Variants in RPTOR observed in about 807,000 individuals in gnomAD.
The protein encoded by RPTOR is regulatory associated protein of MTOR complex 1, also known as regulatory-associated protein of mTOR.
Under a neutral mutation model 169.9 loss-of-function variants are expected in RPTOR, and 21 were observed. The observed-to-expected ratio is 0.12, with a 90% CI of 0.09 to 0.18. RPTOR has a LOEUF of 0.18. RPTOR is among the 10% of genes least tolerant of loss of function. The pLI, the probability that RPTOR is intolerant of heterozygous loss-of-function variation, is 1.00. For missense variants in RPTOR, 1,133 were observed against 1,855.9 expected (o/e 0.61, Z 7.16); for synonymous variants, 732 against 753.2 (o/e 0.97, Z 0.46).
intron 1 of RPTOR, among the ~76,000 whole-genome samples, chr17:80,547,864 A>T (rs1599538199): frequency 6.6e-6 from 1 of 152,300 alleles, no homozygotes; most frequent in East Asian, 1.9e-4. Flanking sequence ...AGTGTGTGTG[A>T]CAGTTTCTGG....
At chr17:80,863,417 A>AC (rs2067943036) in intron 13 of RPTOR, among the ~76,000 whole-genome samples, 1 of 152,142 alleles carries the variant, frequency 6.6e-6, no homozygotes, top group African/African-American at 2.4e-5. Flanking sequence ...ACCCATTAAA[A>AC]CCTGCTCAGA....
chr17:80,818,028 C>A (rs909548576), intron 7 of RPTOR, among the ~76,000 whole-genome samples: 1 of 152,332 alleles, frequency 6.6e-6, no homozygotes, highest in Admixed American at 6.5e-5. Context: ...TGGAGATAAA[C>A]CCTCCTGCCA....
intron 6 of RPTOR, among the ~76,000 whole-genome samples, chr17:80,760,113 G>A (rs1249021407): frequency 6.6e-6 from 1 of 152,090 alleles, no homozygotes; most frequent in Non-Finnish European, 1.5e-5. Flanking sequence ...CCAGGAGTAT[G>A]CGGGTGGGAA....
rs78357696 is a variant in RPTOR at position 80,581,470 on chromosome 17, C to G, written c.162+35679C>G. Among the ~76,000 whole-genome samples the G allele has an allele frequency of 2.7e-5, 4 of 147,426 alleles. No individual in the cohort carries two copies. The South Asian group carries it at 8.7e-4, about 32-fold the overall frequency. ...TGCACATCGGGCCAGTGCATGCCTG[C>G]TATTCTCTGCAGTGGAGACCGCACA... On this transcript the variant is annotated intron_variant, in intron 1 of 33. Transcript: ENST00000306801.
intron 6 of RPTOR, among the ~76,000 whole-genome samples, chr17:80,773,136 G>A (rs2066861236): frequency 6.6e-6 from 1 of 151,742 alleles, no homozygotes; most frequent in Non-Finnish European, 1.5e-5. Flanking sequence ...AGAAAGCAGT[G>A]TGTTTGGCTG....
At position 80,651,104 on chromosome 17, in the gene RPTOR, G is replaced by A. The variant is rs1468677630; in HGVS notation, c.348+7294G>A. ...GTTTCACAGATCTCACGTGCCATGT[G>A]TGTTTCCTGAGTTAACTTGGGGACC... is the stretch of plus-strand genomic sequence containing the variant. On this transcript the variant is annotated intron_variant, in intron 3 of 33. Transcript: ENST00000306801. This position sits in a 1 kb window ranked among gnomAD's most constrained non-coding sequence, Gnocchi z 4.1. Among the ~76,000 whole-genome samples, 1 of 152,206 alleles carries A rather than the reference G, an allele frequency of 6.6e-6. No individual in the cohort carries two copies. The highest frequency in any genetic ancestry group is 1.5e-5 in the Non-Finnish European group (1 of 68,042).
intron 1 of RPTOR, among the ~76,000 whole-genome samples, chr17:80,589,851 T>C (rs186600672): frequency 6.6e-4 from 101 of 152,356 alleles, no homozygotes; most frequent in African/African-American, 2.1e-3. Flanking sequence ...CATGGTCTTC[T>C]GTAAATAATG....
intron 7 of RPTOR, among the ~76,000 whole-genome samples, chr17:80,819,830 T>C (rs762170640): frequency 7.8e-4 from 119 of 152,190 alleles, no homozygotes; most frequent in Non-Finnish European, 1.8e-4. Context: ...GTCTTGTCTG[T>C]GTGACTCTGA....
chr17:80,908,960 A>G, intron 21 of RPTOR, 31 bp downstream of exon 21: 1 of 1,486,534 alleles, frequency 6.7e-7, no homozygotes, highest in Non-Finnish European at 9.4e-7. Context: ...ACCGCGCTCC[A>G]GCTGCTGGTT....
intron 8 of RPTOR, among the ~76,000 whole-genome samples, chr17:80,822,569 G>C (rs542530647): frequency 6.6e-6 from 1 of 152,240 alleles, no homozygotes; most frequent in African/African-American, 2.4e-5. Flanking sequence ...ACTGCGCACC[G>C]GCGGCTTATC....
At position 80,908,890 on chromosome 17, in the gene RPTOR, G is replaced by T; in HGVS notation, c.2481G>T (p.Ser827=). 8 of 1,614,050 alleles carry T rather than the reference G, an allele frequency of 5.0e-6. No homozygotes were observed. The highest frequency in any genetic ancestry group is 5.9e-6 in the Non-Finnish European group (7 of 1,179,982). The change falls in exon 21 of 34, where the codon TCG becomes TCT. Residue 827 remains serine, a synonymous_variant. Transcript: ENST00000306801. The part of the protein sequence containing the change: ...HLAADPYPEV[S]DVAMKVLNSI... ...CTGCTGACCCCTATCCAGAGGTCTC[G>T]GACGTGGCCATGAAAGTACTCAACA...
rs929374831 is a variant in RPTOR, at chr17:80,687,018, CTG to C, written c.349-20819_349-20818del. Reference sequence around the variant, plus strand: ...TAACCAGAGAGTGGAATCTGTCTGTCTGTGTCTTCCATAACCAAAATACATCA... The same window carrying C: ...TAACCAGAGAGTGGAATCTGTCTGTCTGTCTTCCATAACCAAAATACATCA... On this transcript the variant is annotated intron_variant, in intron 3 of 33. Coordinates refer to ENST00000306801, the MANE Select transcript of RPTOR (RefSeq NM_020761.3). 2.2e-4 allele frequency among the ~76,000 whole-genome samples: 34 copies of C among 152,206 alleles called. 2 individuals carry two copies. The highest frequency in any genetic ancestry group is 1.5e-5 in the Non-Finnish European group (1 of 68,032).
At chr17:80,855,631 A>C (rs2067843582) in intron 12 of RPTOR, 84 bp downstream of exon 12, 1 of 1,107,404 alleles carries the variant, frequency 9.0e-7, no homozygotes, top group African/African-American at 1.5e-5. Flanking sequence ...CACGTATTTC[A>C]TGATCCAGAG....
intron 3 of RPTOR, among the ~76,000 whole-genome samples, chr17:80,678,684 C>T (rs2065876886): frequency 6.6e-6 from 1 of 152,242 alleles, no homozygotes; most frequent in African/African-American, 2.4e-5. Flanking sequence ...TTCACGTTTT[C>T]TAACTTCAGA....
chr17:80,864,918 C>T (rs1454035484), intron 13 of RPTOR, among the ~76,000 whole-genome samples: 1 of 152,256 alleles, frequency 6.6e-6, no homozygotes, highest in Non-Finnish European at 1.5e-5. Flanking sequence ...AGCTCACACT[C>T]CCTGGCTCAA....
chr17:80,549,222 TCTA>T (rs2084315895), intron 1 of RPTOR, among the ~76,000 whole-genome samples: 1 of 152,018 alleles, frequency 6.6e-6, no homozygotes, highest in African/African-American at 2.4e-5. Context: ...TTTGGTTAAT[TCTA>T]CTATGTATAG....
intron 3 of RPTOR, among the ~76,000 whole-genome samples, chr17:80,655,382 GT>G (rs200703621): frequency 6.6e-6 from 1 of 151,694 alleles, no homozygotes; most frequent in Non-Finnish European, 1.5e-5. Context: ...CATATTTTTT[GT>G]TTTTTTTAAA....
At chr17:80,768,533 A>AAG (rs759711091) in intron 6 of RPTOR, among the ~76,000 whole-genome samples, 29 of 152,320 alleles carry the variant, frequency 1.9e-4, no homozygotes, top group Admixed American at 1.2e-3. Flanking sequence ...CTTGGGTGAA[A>AAG]TACTGCACGG....
rs951717506 is a variant in RPTOR, at chr17:80,966,335, CAG to C, written c.*2010_*2011del. 8.7e-6 allele frequency: 2 copies of C among 230,096 alleles called. No individual in the cohort carries two copies. The highest frequency in any genetic ancestry group is 2.2e-5 in the African/African-American group (1 of 45,102). The allele number at this position is 230,096 out of a possible 1,614,324, so 14.3% of individuals were successfully genotyped here. The stretch of plus-strand genomic sequence containing the variant: ...CGAAATGGTAATGTGAAGCTAAGAG[CAG>C]AGAGTGACCAACAGTAAACAACACG... On this transcript the variant is annotated 3_prime_UTR_variant, in exon 34 of 34. Coordinates refer to ENST00000306801, the MANE Select transcript of RPTOR (RefSeq NM_020761.3).
Sources: gnomAD v4.1 joint callset for allele counts (sites outside exome capture counted in the v4.1 genomes callset) on GRCh38, gnomAD v4.1.1 for gene constraint, Gnocchi (gnomAD v3.1) non-coding constraint, MANE v1.5 for transcripts, NCBI Gene and HGNC (gene_info 2026-07-23, HGNC 2026-07-21) for gene names.